The following SLC66A3 variants were observed in gnomAD, a reference collection of about 807,000 sequenced individuals.
SLC66A3 encodes solute carrier family 66 member 3, also known as PQ loop repeat containing 3.
A neutral mutation model predicts 25.5 loss-of-function variants in SLC66A3; 23 were observed. That is an observed-to-expected ratio of 0.90 (90% confidence interval 0.65 to 1.28). The LOEUF is 1.28. Ranked by LOEUF, SLC66A3 falls within the 50% of genes most tolerant of loss-of-function variation. The pLI is 0.00. For missense variants in SLC66A3, 246 were observed against 262.1 expected (o/e 0.94, Z 0.42); for synonymous variants, 108 against 112.6 (o/e 0.96, Z 0.26).
chr2:11,161,263 T>G (rs1353484004), intron 3 of SLC66A3, among the ~76,000 whole-genome samples: 2 of 63,302 alleles, frequency 3.2e-5, no homozygotes, highest in African/African-American at 4.1e-5. Context: ...CAGGAGAGTG[T>G]TTTTTTTTTT....
chr2:11,158,088 C>T (rs1196057825), intron 1 of SLC66A3, among the ~76,000 whole-genome samples: 1 of 152,136 alleles, frequency 6.6e-6, no homozygotes, highest in Non-Finnish European at 1.5e-5. Flanking sequence ...TTTTGTTTAA[C>T]CCTCTAGTAG....
At chr2:11,176,566 T>A (rs1023619847) in intron 6 of SLC66A3, among the ~76,000 whole-genome samples, 1 of 105,818 alleles carries the variant, frequency 9.5e-6, no homozygotes, top group Non-Finnish European at 1.9e-5. Flanking sequence ...TCTCGCTCTG[T>A]CGCCCAGGCT....
intron 5 of SLC66A3, chr2:11,172,734 C>CT (rs1343619398): frequency 2.3e-6 from 1 of 431,936 alleles, no homozygotes; most frequent in Non-Finnish European, 4.7e-6. Flanking sequence ...GACTTTCTTT[C>CT]TTTTTTCCTT....
chr2:11,160,645 A>G lies in SLC66A3; in HGVS notation c.247A>G (p.Ile83Val), dbSNP rs149518245. The G allele has an allele frequency of 4.3e-6, 7 of 1,613,782 alleles. No homozygotes were observed. The highest frequency in any genetic ancestry group is 2.7e-5 in the African/African-American group (2 of 74,812). ...TTCAGATGTCATCCTCCTGCTCTGT[A>G]TCTTTCATTTTAACGGGAACGTGAA... is the stretch of plus-strand genomic sequence containing the variant. ...IAQDVILLLC[I>V]FHFNGNVKQA... The change falls in exon 3 of 7, where the codon ATC (isoleucine) becomes GTC (valine). Residue 83 changes from isoleucine (I) to valine (V), a missense_variant. Ile to Val is a conservative substitution (Grantham distance 29). Transcript: ENST00000295083.
intron 4 of SLC66A3, among the ~76,000 whole-genome samples, chr2:11,170,734 G>A (rs1315567459): frequency 6.6e-6 from 1 of 151,092 alleles, no homozygotes; most frequent in African/African-American, 2.4e-5. Context: ...GATTACAGGC[G>A]CCCGCCACTA....
chr2:11,160,556 C>T lies in SLC66A3; in HGVS notation c.226+8C>T. Reference sequence around the variant, plus strand: ...CCATCCTCATCGCGCAAGGTAACAGCCCCTTCCCTGTCCAGCGGACTGCCA... The same window carrying T: ...CCATCCTCATCGCGCAAGGTAACAGTCCCTTCCCTGTCCAGCGGACTGCCA... On this transcript the variant is annotated splice_region_variant and intron_variant, in intron 2 of 6. Coordinates refer to ENST00000295083, the MANE Select transcript of SLC66A3 (RefSeq NM_152391.5). 6.2e-7 allele frequency: 1 copy of T among 1,614,186 alleles called. No homozygotes were observed. Among genetic ancestry groups the T allele is most frequent in the Non-Finnish European group, 8.5e-7 (1 of 1,180,038 alleles).
chr2:11,178,705 GATT>G lies in SLC66A3; in HGVS notation c.*883_*885del, dbSNP rs1223158293. 2 of 152,138 alleles carry G rather than the reference GATT, an allele frequency of 1.3e-5. No homozygotes were observed. Among genetic ancestry groups the G allele is most frequent in the African/African-American group, 2.4e-5 (1 of 41,406 alleles). 9.4% of individuals were successfully genotyped at this position (152,138 alleles called of 1,614,324 possible). Reference sequence around the variant, plus strand: ...ATTTTTACCCTAAACATGATGTTGAGATTATTATATACTGTATTTTCTTCTAAA... The same window carrying G: ...ATTTTTACCCTAAACATGATGTTGAGATTATATACTGTATTTTCTTCTAAA... On this transcript the variant is annotated 3_prime_UTR_variant, in exon 7 of 7. Coordinates refer to ENST00000295083, the MANE Select transcript of SLC66A3 (RefSeq NM_152391.5).
chr2:11,166,179 C>A (rs1210307334), intron 4 of SLC66A3, among the ~76,000 whole-genome samples: 1 of 152,124 alleles, frequency 6.6e-6, no homozygotes, highest in East Asian at 1.9e-4. Flanking sequence ...TGGCCACTAG[C>A]AGTTTTAGAA....
At chr2:11,168,859 C>T (rs1662446666) in intron 4 of SLC66A3, among the ~76,000 whole-genome samples, 2 of 151,922 alleles carry the variant, frequency 1.3e-5, no homozygotes, top group East Asian at 1.9e-4. Context: ...CTCCATAATT[C>T]CTTTTTTTTT....
intron 4 of SLC66A3, among the ~76,000 whole-genome samples, chr2:11,169,248 T>C (rs1662459923): frequency 6.6e-6 from 1 of 152,168 alleles, no homozygotes; most frequent in African/African-American, 2.4e-5. Context: ...TTTGCCAGAC[T>C]GCATTATTAT....
chr2:11,164,343 A>ATT lies in SLC66A3; in HGVS notation c.354+83_354+84insTT, dbSNP rs1323751814. The ATT allele has an allele frequency of 8.2e-4, 92 of 112,700 alleles. 2 individuals carry two copies. The highest frequency in any genetic ancestry group is 3.8e-3 in the African/African-American group (79 of 20,870). The allele number at this position is 112,700 out of a possible 1,614,324, so 7.0% of individuals were successfully genotyped here. On this transcript the variant is annotated intron_variant, in intron 4 of 6. Coordinates refer to ENST00000295083, the MANE Select transcript of SLC66A3 (RefSeq NM_152391.5). ...GATAGATATTTATATATATATATATATATTTTTTTTTTTTTGAAATGGAGT... is the reference window on the plus strand; with the variant it reads ...GATAGATATTTATATATATATATATATTTATTTTTTTTTTTTTGAAATGGAGT...
intron 1 of SLC66A3, among the ~76,000 whole-genome samples, chr2:11,156,366 G>C (rs7601782): frequency 0.26 from 39,312 of 152,006 alleles, 5,410 homozygotes; most frequent in East Asian, 0.48. Flanking sequence ...ATGCCAGAGC[G>C]CCAAACTTTT....
In SLC66A3 at chr2:11,160,816, AAAAAATC is replaced by A; in HGVS notation, c.296+123_296+129del. 3 of 1,439,218 alleles carry A rather than the reference AAAAAATC, an allele frequency of 2.1e-6. No individual in the cohort carries two copies. The East Asian group carries it at 7.3e-5, about 35-fold the overall frequency. 89.2% of individuals were successfully genotyped at this position (1,439,218 alleles called of 1,614,324 possible). A position where few individuals can be genotyped will look rare whatever the true frequency, so the allele number is the denominator to read the frequency against. On this transcript the variant is annotated intron_variant, in intron 3 of 6. Coordinates refer to ENST00000295083, the MANE Select transcript of SLC66A3 (RefSeq NM_152391.5). ...TTGGTTAAACTAAAAAAAAAAAAAAAAAAAATCCCAAATGCAAACGTGTCCATGTACA... is the reference window on the plus strand; with the variant it reads ...TTGGTTAAACTAAAAAAAAAAAAAAACCAAATGCAAACGTGTCCATGTACA...
chr2:11,169,136 G>T (rs1017443405), intron 4 of SLC66A3, among the ~76,000 whole-genome samples: 2 of 152,170 alleles, frequency 1.3e-5, no homozygotes, highest in African/African-American at 4.8e-5. Context: ...GGGATTACAG[G>T]CTTGAGCCAC....
intron 2 of SLC66A3, 21 bp from the exon 3 acceptor site, chr2:11,160,604 C>T (rs527890607): frequency 6.2e-7 from 1 of 1,614,186 alleles, no homozygotes; most frequent in Non-Finnish European, 8.5e-7. Flanking sequence ...TCCCCCCTCA[C>T]TCGGAGCCTC....
chr2:11,169,373 C>T (rs1433384588), intron 4 of SLC66A3, among the ~76,000 whole-genome samples: 1 of 152,210 alleles, frequency 6.6e-6, no homozygotes, highest in Non-Finnish European at 1.5e-5. Flanking sequence ...AGCTTTCCTT[C>T]TCCAGGGGAG....
chr2:11,156,207 A>T (rs1049883524), intron 1 of SLC66A3, among the ~76,000 whole-genome samples: 2 of 152,176 alleles, frequency 1.3e-5, no homozygotes, highest in African/African-American at 2.4e-5. Flanking sequence ...GAGGGTCTTA[A>T]GACAATTGCA....
Position 11,155,621 on chromosome 2 carries a change from C to A in SLC66A3, c.75C>A (p.Ile25=), listed in dbSNP as rs1238129878. The change falls in exon 1 of 7, where the codon ATC becomes ATA. Residue 25 remains isoleucine, a synonymous_variant. Coordinates refer to ENST00000295083, the MANE Select transcript of SLC66A3 (RefSeq NM_152391.5). The part of the protein sequence containing the change: ...GVCAALKLPQ[I]SAVLAARSAR... Reference sequence around the variant, plus strand: ...GCGCCGCGCTGAAGCTGCCGCAGATCTCCGCTGTGCTAGCGGCGCGCAGCG... The same window carrying A: ...GCGCCGCGCTGAAGCTGCCGCAGATATCCGCTGTGCTAGCGGCGCGCAGCG... 4 of 1,527,294 alleles carry A rather than the reference C, an allele frequency of 2.6e-6. No individual in the cohort carries two copies. The highest frequency in any genetic ancestry group is 3.5e-6 in the Non-Finnish European group (4 of 1,148,310). The allele number at this position is 1,527,294 out of a possible 1,614,324, so 94.6% of individuals were successfully genotyped here. A position where few individuals can be genotyped will look rare whatever the true frequency, so the allele number is the denominator to read the frequency against.
chr2:11,177,802 CG>C lies in SLC66A3; in HGVS notation c.585del (p.Lys196ArgfsTer4), dbSNP rs761283687. On this transcript the variant is annotated frameshift_variant, in exon 7 of 7. Transcript: ENST00000295083. LOFTEE classifies it high-confidence loss of function. Reference protein sequence around the residue: ...IWVTVTVLRYRKTAIKAE With the variant: ...IWVTVTVLRYXKTAIKAE Reference sequence around the variant, plus strand: ...GGTAACAGTGACAGTACTTCGCTACCGGAAGACCGCTATAAAGGCTGAATGA... The same window carrying C: ...GGTAACAGTGACAGTACTTCGCTACCGAAGACCGCTATAAAGGCTGAATGA... The C allele has an allele frequency of 1.4e-5, 23 of 1,608,274 alleles. 1 individual carries two copies. The South Asian group carries it at 2.4e-4, about 17-fold the overall frequency.
Sources: allele counts gnomAD v4.1 joint callset (sites outside exome capture counted in the v4.1 genomes callset), GRCh38; gene constraint gnomAD v4.1.1; transcripts MANE v1.5; gene names NCBI Gene and HGNC (gene_info 2026-07-23, HGNC 2026-07-21).